Variants in COL1A2 observed in about 807,000 individuals in gnomAD.
COL1A2 encodes the protein collagen type I alpha 2 chain.
A neutral mutation model predicts 174.3 loss-of-function variants in COL1A2; 49 were observed. The observed-to-expected ratio is 0.28, with a 90% CI of 0.22 to 0.36. The LOEUF is 0.36. Ranked by LOEUF, COL1A2 falls within the 10% of genes least tolerant of loss-of-function variation. The pLI, the probability that COL1A2 is intolerant of heterozygous loss-of-function variation, is 1.00. For missense variants in COL1A2, 1,438 were observed against 1,822.7 expected, an observed-to-expected ratio of 0.79 and a Z score of 3.84; for synonymous variants, 655 against 606.6, an observed-to-expected ratio of 1.08 and a Z score of -1.17.
chr7:94,419,562 A>C lies in COL1A2; in HGVS notation c.2079+11A>C. ...GCCACAGGTGACCGGGTAAGCATGC[A>C]TTTTCACTAAGCCAACAGCAATATC... On this transcript the variant is annotated intron_variant, in intron 34 of 51. Transcript: ENST00000297268. The C allele has an allele frequency of 6.2e-7, 1 of 1,613,940 alleles. No homozygotes were observed. Among genetic ancestry groups the C allele is most frequent in the Non-Finnish European group, 8.5e-7 (1 of 1,179,958 alleles).
In COL1A2 at chr7:94,430,459, C is replaced by T. The variant is rs1035366407; in HGVS notation, c.*66C>T. On this transcript the variant is annotated 3_prime_UTR_variant, in exon 52 of 52. Coordinates refer to ENST00000297268, the MANE Select transcript of COL1A2 (RefSeq NM_000089.4). The stretch of plus-strand genomic sequence containing the variant: ...AACTTTCTCTTTGCCATTTCTTCTT[C>T]TTCTTTTTTAACTGAAAGCTGAATC... 42 of 1,540,080 alleles carry T rather than the reference C, an allele frequency of 2.7e-5. 1 individual carries two copies. Among genetic ancestry groups the T allele is most frequent in the Non-Finnish European group, 3.7e-5 (42 of 1,123,220 alleles).
At chr7:94,429,741 T>C (rs1792361581) in intron 51 of COL1A2, 1 of 302,968 alleles carries the variant, frequency 3.3e-6, no homozygotes, top group Admixed American at 4.8e-5. Context: ...TGGTAATGTG[T>C]GCCCAGAACT....
intron 51 of COL1A2, 66 bp downstream of exon 51, chr7:94,429,496 G>T: frequency 6.3e-7 from 1 of 1,576,908 alleles, no homozygotes; most frequent in Non-Finnish European, 8.7e-7. Context: ...AACTTAGACT[G>T]CCCCCAAGGG....
intron 1 of COL1A2, among the ~76,000 whole-genome samples, chr7:94,396,981 G>A (rs1387644597): frequency 6.6e-6 from 1 of 152,012 alleles, no homozygotes; most frequent in Non-Finnish European, 1.5e-5. Context: ...TGGCAAAAGG[G>A]GGGATAGTAC....
At chr7:94,426,968 T>C (rs754871091) in intron 46 of COL1A2, 40 bp from the exon 47 acceptor site, 19 of 1,588,304 alleles carry the variant, frequency 1.2e-5, no homozygotes, top group East Asian at 2.2e-5. Context: ...TCTCTTGACA[T>C]GTGCTCTGAA....
intron 30 of COL1A2, among the ~76,000 whole-genome samples, chr7:94,415,772 AGAACCAACTTATAACAAGGTCCTTT>A (rs1462960503): frequency 2.0e-5 from 3 of 152,320 alleles, no homozygotes; most frequent in Admixed American, 1.3e-4. Flanking sequence ...GGAAGCTCAA[AGAACCAACTTATAACAAGGTCCTTT>A]GAAACAGTTA....
intron 14 of COL1A2, 41 bp from the exon 15 acceptor site, chr7:94,408,295 A>C (rs1320809451): frequency 6.2e-7 from 1 of 1,613,758 alleles, no homozygotes; most frequent in Non-Finnish European, 8.5e-7. Context: ...AATGGCTGTC[A>C]TTTAAGTTTC....
chr7:94,395,150 G>C, intron 1 of COL1A2, 49 bp downstream of exon 1: 1 of 1,503,896 alleles, frequency 6.6e-7, no homozygotes, highest in Non-Finnish European at 9.3e-7. Context: ...GAGGTTAGAT[G>C]GGAGGGCACC....
chr7:94,400,259 G>T lies in COL1A2; in HGVS notation c.196G>T (p.Gly66Cys). The change falls in exon 5 of 52, where the codon GGT becomes TGT. Residue 66 changes from glycine to cysteine, a missense_variant. Gly to Cys is a radical substitution (Grantham distance 159). Transcript: ENST00000297268. Reference protein sequence around the residue: ...DGPTGPPGPPGPPGPPGLGGN... With the variant: ...DGPTGPPGPPCPPGPPGLGGN... Reference sequence around the variant, plus strand: ...TCCCACAGGCCCTCCTGGTCCACCTGGTCCTCCTGGCCCCCCTGGTCTCGG... The same window carrying T: ...TCCCACAGGCCCTCCTGGTCCACCTTGTCCTCCTGGCCCCCCTGGTCTCGG... 6.2e-7 allele frequency: 1 copy of T among 1,612,970 alleles called. No homozygotes were observed. The highest frequency in any genetic ancestry group is 8.5e-7 in the Non-Finnish European group (1 of 1,179,858).
Position 94,423,225 on chromosome 7 carries a change from C to T in COL1A2, c.2565+107C>T, listed in dbSNP as rs1420474937. The T allele has an allele frequency of 4.5e-6, 6 of 1,342,530 alleles. No homozygotes were observed. In the East Asian group the frequency reaches 1.2e-4, roughly 26 times the overall value. The allele number at this position is 1,342,530 out of a possible 1,614,324, so 83.2% of individuals were successfully genotyped here. ...TATTTGTTGATGAGTATTGCAGGCTCTCAAGTAGAGCTCAGTTGAGCCAGG... is the reference window on the plus strand; with the variant it reads ...TATTTGTTGATGAGTATTGCAGGCTTTCAAGTAGAGCTCAGTTGAGCCAGG... On this transcript the variant is annotated intron_variant, in intron 40 of 51. Coordinates refer to ENST00000297268, the MANE Select transcript of COL1A2 (RefSeq NM_000089.4).
At position 94,409,301 on chromosome 7, in the gene COL1A2, T is replaced by A. The variant is rs748470720; in HGVS notation, c.793-21T>A. 1.9e-6 allele frequency: 3 copies of A among 1,605,060 alleles called. No individual in the cohort carries two copies. In the Admixed American group the frequency reaches 5.0e-5, roughly 27 times the overall value. ...TTTCATTATTTGCTGGTTAATTCCT[T>A]GGTTTAATTTCCTCTTTTAGGGTGA... On this transcript the variant is annotated intron_variant, in intron 16 of 51. Transcript: ENST00000297268.
intron 6 of COL1A2, among the ~76,000 whole-genome samples, chr7:94,402,943 T>C (rs957775126): frequency 6.6e-6 from 1 of 152,204 alleles, no homozygotes; most frequent in Non-Finnish European, 1.5e-5. Context: ...TGACGACTTC[T>C]AATTCCCTAA....
chr7:94,426,906 A>T, intron 46 of COL1A2, 102 bp from the exon 47 acceptor site: 1 of 967,916 alleles, frequency 1.0e-6, no homozygotes, highest in Non-Finnish European at 1.6e-6. Context: ...CTCAATCCGG[A>T]GTCCATTTAA....
intron 6 of COL1A2, among the ~76,000 whole-genome samples, chr7:94,404,347 AT>A (rs1265761540): frequency 6.6e-6 from 1 of 152,180 alleles, no homozygotes. Flanking sequence ...ATTCTCATTG[AT>A]TTCTGTTGAT....
At chr7:94,406,222 G>T in intron 11 of COL1A2, 28 bp from the exon 12 acceptor site, 1 of 1,610,536 alleles carries the variant, frequency 6.2e-7, no homozygotes, top group Non-Finnish European at 8.5e-7. Flanking sequence ...TCATGGAACA[G>T]CATTTTATAA....
rs1017632409 is a variant in COL1A2 at position 94,423,220 on chromosome 7, A to T, written c.2565+102A>T. 20 of 1,377,070 alleles carry T rather than the reference A, an allele frequency of 1.5e-5. No individual in the cohort carries two copies. In the African/African-American group the frequency reaches 2.6e-4, roughly 18 times the overall value. 85.3% of individuals were successfully genotyped at this position (1,377,070 alleles called of 1,614,324 possible). ...GCATCTATTTGTTGATGAGTATTGCAGGCTCTCAAGTAGAGCTCAGTTGAG... is the reference window on the plus strand; with the variant it reads ...GCATCTATTTGTTGATGAGTATTGCTGGCTCTCAAGTAGAGCTCAGTTGAG... On this transcript the variant is annotated intron_variant, in intron 40 of 51. Transcript: ENST00000297268.
chr7:94,429,219 A>G lies in COL1A2; in HGVS notation c.3743A>G (p.Lys1248Arg). ...FEYNVEGVTS[K>R]EMATQLAFMR... ...TATAATGTAGAAGGAGTGACTTCCA[A>G]GGAAATGGCTACCCAACTTGCCTTC... is the stretch of plus-strand genomic sequence containing the variant. Residue 1248 changes from lysine to arginine, a missense_variant, in exon 51 of 52, where the codon AAG becomes AGG. Lys to Arg is a conservative substitution (Grantham distance 26). Coordinates refer to ENST00000297268, the MANE Select transcript of COL1A2 (RefSeq NM_000089.4). 6.2e-7 allele frequency: 1 copy of G among 1,613,210 alleles called. No homozygotes were observed. Among genetic ancestry groups the G allele is most frequent in the South Asian group, 1.1e-5 (1 of 91,056 alleles).
Position 94,409,749 on chromosome 7 carries a change from C to T in COL1A2, c.963C>T (p.Pro321=), listed in dbSNP as rs147021092. The change falls in exon 19 of 52, where the codon CCC becomes CCT. Residue 321 remains proline, a synonymous_variant. Coordinates refer to ENST00000297268, the MANE Select transcript of COL1A2 (RefSeq NM_000089.4). ...AAGLPGVAGA[P]GLPGPRGIPG... ...GCCTTCCCGGCGTTGCTGGGGCTCC[C>T]GGCCTCCCTGGACCCCGCGGTATTC... is the stretch of plus-strand genomic sequence containing the variant. 23 of 1,614,010 alleles carry T rather than the reference C, an allele frequency of 1.4e-5. No homozygotes were observed. The highest frequency in any genetic ancestry group is 1.8e-5 in the Non-Finnish European group (21 of 1,180,022).
chr7:94,422,139 T>C (rs1473308551), intron 39 of COL1A2, 187 bp downstream of exon 39: 2 of 526,662 alleles, frequency 3.8e-6, no homozygotes, highest in Non-Finnish European at 3.4e-6. Context: ...TAATATCAGT[T>C]TAAGAGGCTT....
Sources: gnomAD v4.1 joint callset for allele counts (sites outside exome capture counted in the v4.1 genomes callset) on GRCh38, gnomAD v4.1.1 for gene constraint, MANE v1.5 for transcripts, NCBI Gene and HGNC (gene_info 2026-07-23, HGNC 2026-07-21) for gene names.